PCDH11X: variants seen among roughly 807,000 people sequenced by gnomAD.
The protein encoded by PCDH11X is protocadherin 11 X-linked, also known as protocadherin-11 X-linked.
In PCDH11X, 18 loss-of-function variants were observed where a neutral mutation model predicts 53.3. The observed-to-expected ratio is 0.34, with a 90% CI of 0.23 to 0.50. The LOEUF is 0.50. Ranked by LOEUF, PCDH11X falls within the 20% of genes least tolerant of loss-of-function variation. The probability of loss-of-function intolerance (pLI) is 0.98; values close to 1 mark genes in which losing one functional copy is unlikely to be tolerated. For synonymous variants in PCDH11X, 279 were observed against 393.3 expected, an observed-to-expected ratio of 0.71 and a Z score of 3.44; for missense variants, 570 against 1,032.4, an observed-to-expected ratio of 0.55 and a Z score of 6.14.
At chrX:92,552,994 CGTGT>C (rs57655496) in intron 10 of PCDH11X, among the ~76,000 whole-genome samples, 909 of 88,879 alleles carry the variant, frequency 0.01, 8 homozygotes, top group African/African-American at 0.022. Context: ...CTGCAATTTT[CGTGT>C]GTGTGTGTGT....
At chrX:92,221,434 T>C (rs2066878193) in intron 7 of PCDH11X, among the ~76,000 whole-genome samples, 1 of 110,038 alleles carries the variant, frequency 9.1e-6, no homozygotes, top group African/African-American at 3.3e-5. Context: ...GAAGTATCTA[T>C]AGAGGAAGGC....
At chrX:92,428,038 G>A (rs2072164867) in intron 9 of PCDH11X, among the ~76,000 whole-genome samples, 1 of 98,187 alleles carries the variant, frequency 1.0e-5, no homozygotes, top group African/African-American at 3.7e-5. Flanking sequence ...AGCTTCAAAT[G>A]AGCATCTAAT....
chrX:91,848,000 T>A (rs1264203782), intron 5 of PCDH11X, among the ~76,000 whole-genome samples: 1 of 111,459 alleles, frequency 9.0e-6, no homozygotes, highest in African/African-American at 3.3e-5. Flanking sequence ...ACTAAACAAG[T>A]AAAGTTTTCA....
chrX:92,444,885 C>A (rs765007042), intron 9 of PCDH11X, among the ~76,000 whole-genome samples: 1 of 92,431 alleles, frequency 1.1e-5, no homozygotes, highest in East Asian at 3.5e-4. Context: ...GTTGAATCAA[C>A]CTTGCAGTCT....
At chrX:92,067,407 A>G (rs1482625367) in intron 6 of PCDH11X, among the ~76,000 whole-genome samples, 1 of 111,143 alleles carries the variant, frequency 9.0e-6, no homozygotes, top group Non-Finnish European at 1.9e-5. Flanking sequence ...TTTAGCATCA[A>G]TTGAGATAAC....
At chrX:92,094,430 T>G in intron 6 of PCDH11X, among the ~76,000 whole-genome samples, 1 of 110,889 alleles carries the variant, frequency 9.0e-6, no homozygotes, top group Middle Eastern at 4.6e-3. Flanking sequence ...AAAAGTATTC[T>G]TATGCCCTAT....
chrX:92,213,800 G>C (rs1265543924), intron 7 of PCDH11X, among the ~76,000 whole-genome samples: 1 of 112,142 alleles, frequency 8.9e-6, no homozygotes, highest in Non-Finnish European at 1.9e-5. Flanking sequence ...ATATCTACCA[G>C]TTATTAGGCT....
chrX:92,535,044 G>A (rs1396955345), intron 10 of PCDH11X, among the ~76,000 whole-genome samples: 2 of 111,966 alleles, frequency 1.8e-5, no homozygotes, highest in Non-Finnish European at 3.8e-5. Flanking sequence ...TAAGGTTGCA[G>A]AGAAAAGCAA....
chrX:92,094,186 T>TAA (rs1164711652), intron 6 of PCDH11X, among the ~76,000 whole-genome samples: 39 of 107,085 alleles, frequency 3.6e-4, no homozygotes, highest in African/African-American at 1.3e-3. Context: ...TATATATATA[T>TAA]AAAACATTAA....
At chrX:92,076,301 A>G (rs1030920945) in intron 6 of PCDH11X, among the ~76,000 whole-genome samples, 1 of 105,266 alleles carries the variant, frequency 9.5e-6, no homozygotes, top group African/African-American at 3.7e-5. Context: ...GAGAAAACCA[A>G]TGAGAGACCA....
In PCDH11X at chrX:92,584,651, A is replaced by G. The variant is rs778969980; in HGVS notation, c.3368-33613A>G. ...TTCCCCTAAAGAAAACTCCAGTTCT[A>G]GATGGCTTCTCAGGTGAAGTTTGGC... On this transcript the variant is annotated intron_variant, in intron 10 of 10. Coordinates refer to ENST00000682573, the MANE Select transcript of PCDH11X (RefSeq NM_032968.5). 3.7e-4 allele frequency among the ~76,000 whole-genome samples: 40 copies of G among 109,336 alleles called. 1 individual carries two copies. The South Asian group carries it at 0.016, about 44-fold the overall frequency. 94.9% of individuals were successfully genotyped at this position (109,336 alleles called of 115,157 possible). A position where few individuals can be genotyped will look rare whatever the true frequency, so the allele number is the denominator to read the frequency against.
intron 8 of PCDH11X, among the ~76,000 whole-genome samples, chrX:92,276,865 T>A (rs1221985699): frequency 9.0e-6 from 1 of 111,262 alleles, no homozygotes; most frequent in Non-Finnish European, 1.9e-5. Context: ...TGGGCTGGAT[T>A]TTTATATTTG....
At chrX:92,275,531 A>G (rs927558972) in intron 8 of PCDH11X, among the ~76,000 whole-genome samples, 1 of 111,311 alleles carries the variant, frequency 9.0e-6, no homozygotes, top group African/African-American at 3.3e-5. Flanking sequence ...GTGCAAAGGA[A>G]TAGTAAAGAA....
chrX:92,333,490 C>T (rs946064465), intron 8 of PCDH11X, among the ~76,000 whole-genome samples: 13 of 111,048 alleles, frequency 1.2e-4, no homozygotes, highest in African/African-American at 3.9e-4. Flanking sequence ...AAATAATTTT[C>T]GCTATTCAGA....
chrX:92,543,876 T>G (rs2074801041), intron 10 of PCDH11X, among the ~76,000 whole-genome samples: 1 of 109,064 alleles, frequency 9.2e-6, no homozygotes, highest in African/African-American at 3.3e-5. Flanking sequence ...GCCAATCTTA[T>G]TTTTCAAACA....
intron 10 of PCDH11X, among the ~76,000 whole-genome samples, chrX:92,519,527 T>G (rs2148714684): frequency 9.2e-6 from 1 of 108,326 alleles, no homozygotes; most frequent in Non-Finnish European, 1.9e-5. Context: ...TGAACTCATC[T>G]ATCAAAAAGG....
intron 2 of PCDH11X, among the ~76,000 whole-genome samples, chrX:91,810,003 C>A (rs933642864): frequency 3.7e-4 from 41 of 111,221 alleles, no homozygotes; most frequent in Non-Finnish European, 6.6e-4. Context: ...TTCATTTAAT[C>A]CATACTTTTT....
chrX:91,993,965 G>GT (rs997647986), intron 6 of PCDH11X, among the ~76,000 whole-genome samples: 15 of 88,683 alleles, frequency 1.7e-4, no homozygotes, highest in African/African-American at 6.3e-4. Flanking sequence ...ACAGTGCTTG[G>GT]TTTTTTTTAA....
intron 6 of PCDH11X, among the ~76,000 whole-genome samples, chrX:91,973,562 C>G (rs1400450251): frequency 5.7e-5 from 6 of 104,906 alleles, no homozygotes; most frequent in African/African-American, 6.9e-5. Flanking sequence ...TTAGCCATTT[C>G]ATAATGTATA....
Sources: gnomAD v4.1 joint callset for allele counts (sites outside exome capture counted in the v4.1 genomes callset) on GRCh38, gnomAD v4.1.1 for gene constraint, MANE v1.5 for transcripts, NCBI Gene and HGNC (gene_info 2026-07-23, HGNC 2026-07-21) for gene names.